COMMD1: variants seen among roughly 807,000 people sequenced by gnomAD.
The protein encoded by COMMD1 is COMM domain-containing protein 1.
Under a neutral mutation model 17.2 loss-of-function variants are expected in COMMD1, and 10 were observed. That is an observed-to-expected ratio of 0.58 (90% CI 0.36 to 0.99). COMMD1 has a LOEUF of 0.99. Among genes scored for constraint, COMMD1 ranks in the 50% least tolerant of loss-of-function variants. The probability of loss-of-function intolerance (pLI) is 0.01; values close to 1 mark genes in which losing one functional copy is unlikely to be tolerated. For synonymous variants in COMMD1, 97 were observed against 91.6 expected (o/e 1.06, Z -0.34); for missense variants, 270 against 231.8 (o/e 1.17, Z -1.07).
intron 2 of COMMD1, among the ~76,000 whole-genome samples, chr2:62,132,891 G>A (rs1444979054): frequency 3.3e-5 from 5 of 152,034 alleles, no homozygotes; most frequent in Non-Finnish European, 5.9e-5. Context: ...CAATAAAACT[G>A]AATGAAGAAC....
intron 1 of COMMD1, among the ~76,000 whole-genome samples, chr2:61,908,341 C>T (rs907336052): frequency 1.3e-5 from 2 of 151,746 alleles, no homozygotes; most frequent in Non-Finnish European, 2.9e-5. Flanking sequence ...ATTCTCCTGC[C>T]TCAGCCTCCC....
rs541124341 is a variant in COMMD1 at position 62,078,617 on chromosome 2, C to T, written c.463-57214C>T. 1.6e-3 allele frequency among the ~76,000 whole-genome samples: 234 copies of T among 149,702 alleles called. 2 individuals carry two copies. The highest frequency in any genetic ancestry group is 4.3e-3 in the African/African-American group (177 of 40,734). On this transcript the variant is annotated intron_variant, in intron 2 of 2. Coordinates refer to ENST00000311832, the MANE Select transcript of COMMD1 (RefSeq NM_152516.4). ...GGCACGGTGGCTCATGCTTGTAATC[C>T]GAGCACTTTGGGAGGCCGAGGTGGG...
At chr2:61,957,145 C>T (rs1186750089) in intron 1 of COMMD1, among the ~76,000 whole-genome samples, 1 of 151,042 alleles carries the variant, frequency 6.6e-6, no homozygotes, top group South Asian at 2.1e-4. Flanking sequence ...GAGATGTGGT[C>T]TCGCTTGTTG....
upstream of COMMD1, chr2:61,888,532 G>A (rs547653599): frequency 2.0e-4 from 316 of 1,604,768 alleles, no homozygotes; most frequent in Non-Finnish European, 2.5e-4. Context: ...TGTCTGGGTT[G>A]GCTCGGGAAG....
chr2:61,955,441 C>A (rs1286942703), intron 1 of COMMD1, among the ~76,000 whole-genome samples: 2 of 151,972 alleles, frequency 1.3e-5, no homozygotes, highest in Non-Finnish European at 2.9e-5. Context: ...TTTTTAACTT[C>A]TTTTCTTTTG....
intron 2 of COMMD1, among the ~76,000 whole-genome samples, chr2:62,015,695 G>GTTTTTTTTT (rs1175789686): frequency 6.3e-5 from 8 of 127,236 alleles, no homozygotes; most frequent in African/African-American, 8.6e-5. Context: ...TAGTTTCTGG[G>GTTTTTTTTT]TTTTTTTTTT....
chr2:62,062,978 G>C (rs1160966084), intron 2 of COMMD1, among the ~76,000 whole-genome samples: 2 of 151,998 alleles, frequency 1.3e-5, no homozygotes, highest in African/African-American at 4.8e-5. Context: ...TAGCACTTTG[G>C]GAGGCCGAGG....
chr2:62,135,823 T>G lies in COMMD1; in HGVS notation c.463-8T>G, dbSNP rs1202468157. Reference sequence around the variant, plus strand: ...TTTCCCTCTAAAATATCCTTTTATGTTTTCCAGGAATCTGAATTTCTGTGT... The same window carrying G: ...TTTCCCTCTAAAATATCCTTTTATGGTTTCCAGGAATCTGAATTTCTGTGT... On this transcript the variant is annotated splice_region_variant and splice_polypyrimidine_tract_variant and intron_variant, in intron 2 of 2. Transcript: ENST00000311832. 1 of 1,403,618 alleles carries G rather than the reference T, an allele frequency of 7.1e-7. No individual in the cohort carries two copies. The highest frequency in any genetic ancestry group is 1.4e-5 in the African/African-American group (1 of 71,234). The allele number at this position is 1,403,618 out of a possible 1,614,324, so 86.9% of individuals were successfully genotyped here.
chr2:62,094,630 A>C (rs1438622661), intron 2 of COMMD1, among the ~76,000 whole-genome samples: 1 of 152,226 alleles, frequency 6.6e-6, no homozygotes, highest in Admixed American at 6.5e-5. Context: ...AAAATAACCT[A>C]AATTGTGCAC....
chr2:61,963,920 T>C (rs1671436667), intron 1 of COMMD1, among the ~76,000 whole-genome samples: 1 of 152,196 alleles, frequency 6.6e-6, no homozygotes, highest in Admixed American at 6.5e-5. Context: ...ACCCCTCTGC[T>C]TCACTCTCCA....
In COMMD1 at chr2:61,969,669, G is replaced by A. The variant is rs75359674; in HGVS notation, c.181-31032G>A. ...CATAAGTGATGATTAATTTAAATCT[G>A]TGTGATGTGTTCCAGTTCACTTACT... On this transcript the variant is annotated intron_variant, in intron 1 of 2. Coordinates refer to ENST00000311832, the MANE Select transcript of COMMD1 (RefSeq NM_152516.4). Among the ~76,000 whole-genome samples the A allele has an allele frequency of 3.5e-3, 537 of 152,244 alleles. 3 individuals carry two copies. The highest frequency in any genetic ancestry group is 0.012 in the African/African-American group (502 of 41,538).
intron 2 of COMMD1, among the ~76,000 whole-genome samples, chr2:62,104,952 C>T (rs1301752012): frequency 6.6e-6 from 1 of 151,672 alleles, no homozygotes; most frequent in Admixed American, 6.6e-5. Flanking sequence ...ATGGAGAAAC[C>T]CCATCTCTAC....
rs537537056 is a variant in COMMD1 at position 62,103,113 on chromosome 2, G to T, written c.463-32718G>T. ...CCTGCCTCAGCCTCCAGAGAAGCTGGGACTACAGGTGCCTGCAACCACGCC... is the reference window on the plus strand; with the variant it reads ...CCTGCCTCAGCCTCCAGAGAAGCTGTGACTACAGGTGCCTGCAACCACGCC... On this transcript the variant is annotated intron_variant, in intron 2 of 2. Transcript: ENST00000311832. Among the ~76,000 whole-genome samples the T allele has an allele frequency of 2.7e-4, 41 of 152,106 alleles. No individual in the cohort carries two copies. The South Asian group carries it at 8.3e-3, about 31-fold the overall frequency.
intron 2 of COMMD1, among the ~76,000 whole-genome samples, chr2:62,126,095 A>C (rs1379930524): frequency 2.0e-5 from 3 of 152,186 alleles, no homozygotes; most frequent in Non-Finnish European, 4.4e-5. Context: ...TGCAAAGGAC[A>C]TGATCTTATT....
chr2:61,996,575 G>A (rs1000096789), intron 1 of COMMD1, among the ~76,000 whole-genome samples: 1 of 152,110 alleles, frequency 6.6e-6, no homozygotes, highest in Non-Finnish European at 1.5e-5. Flanking sequence ...ATTGGAGTCA[G>A]TTCTCTCCAA....
intron 1 of COMMD1, among the ~76,000 whole-genome samples, chr2:61,986,737 T>G (rs954290512): frequency 3.3e-5 from 5 of 151,662 alleles, no homozygotes; most frequent in African/African-American, 9.7e-5. Context: ...CCTGGCTAAT[T>G]TTTGTATTTT....
intron 2 of COMMD1, among the ~76,000 whole-genome samples, chr2:62,097,709 G>T (rs1331167312): frequency 1.3e-5 from 2 of 152,214 alleles, no homozygotes; most frequent in African/African-American, 4.8e-5. Flanking sequence ...GCTATAATAA[G>T]AGAGTTTGAA....
intron 2 of COMMD1, among the ~76,000 whole-genome samples, chr2:62,060,895 T>TAA (rs2103938870): frequency 6.6e-6 from 1 of 152,276 alleles, no homozygotes; most frequent in South Asian, 2.1e-4. Context: ...CTCTGTTTTT[T>TAA]TCCCCCAATC....
chr2:61,979,614 G>GT (rs1479320815), intron 1 of COMMD1, among the ~76,000 whole-genome samples: 1 of 152,142 alleles, frequency 6.6e-6, no homozygotes, highest in Non-Finnish European at 1.5e-5. Context: ...CCTATTTTTA[G>GT]TTTTTTGAGG....
Sources: gnomAD v4.1 joint callset for allele counts (sites outside exome capture counted in the v4.1 genomes callset) on GRCh38, gnomAD v4.1.1 for gene constraint, MANE v1.5 for transcripts, NCBI Gene and HGNC (gene_info 2026-07-23, HGNC 2026-07-21) for gene names.